The following EIF2AK4 variants were observed in gnomAD, a reference collection of about 807,000 sequenced individuals.
The protein encoded by EIF2AK4 is eukaryotic translation initiation factor 2 alpha kinase 4, also known as eIF-2-alpha kinase GCN2.
Under a neutral mutation model 211.1 loss-of-function variants are expected in EIF2AK4, and 139 were observed. The ratio of observed to expected loss-of-function variants is 0.66; its 90% CI spans 0.57 to 0.76. The LOEUF (loss-of-function observed/expected upper bound fraction) is 0.76. Ranked by LOEUF, EIF2AK4 falls within the 30% of genes least tolerant of loss-of-function variation. The probability of loss-of-function intolerance (pLI) is 0.00; values close to 1 mark genes in which losing one functional copy is unlikely to be tolerated. For synonymous variants in EIF2AK4, 710 were observed against 751.3 expected, an observed-to-expected ratio of 0.94 and a Z score of 0.90; for missense variants, 1,664 against 2,043.8, an observed-to-expected ratio of 0.81 and a Z score of 3.58.
At chr15:39,970,755 A>AG (rs1253659872) in intron 9 of EIF2AK4, among the ~76,000 whole-genome samples, 3 of 152,208 alleles carry the variant, frequency 2.0e-5, no homozygotes, top group African/African-American at 7.2e-5. Context: ...GGTTGGTCAA[A>AG]GGCTTTATCA....
intron 8 of EIF2AK4, 22 bp downstream of exon 8, chr15:39,965,865 C>T (rs745585423): frequency 6.2e-7 from 1 of 1,612,538 alleles, no homozygotes. Context: ...AGGTGGCTGA[C>T]TGAGCAAAAG....
rs1291600097 is a variant in EIF2AK4, at chr15:39,973,726, G to C, written c.1795G>C (p.Gly599Arg). ...EFEELQLLGK[G>R]AFGAVIKVQN... ...TGAAGAATTACAACTTCTTGGTAAA[G>C]GAGCTTTTGGAGCTGTCATCAAGGT... Residue 599 changes from glycine (G) to arginine (R), a missense_variant, in exon 11 of 39, where the codon GGA becomes CGA. Transcript: ENST00000263791. 1.2e-6 allele frequency: 2 copies of C among 1,614,128 alleles called. No homozygotes were observed. The highest frequency in any genetic ancestry group is 2.2e-5 in the South Asian group (2 of 91,074).
chr15:39,957,263 G>A (rs557113037), intron 6 of EIF2AK4, among the ~76,000 whole-genome samples: 1 of 152,200 alleles, frequency 6.6e-6, no homozygotes, highest in Non-Finnish European at 1.5e-5. Context: ...CCAAGGTTAG[G>A]CTTGTTTTTG....
chr15:39,983,007 C>T (rs1185553578), intron 13 of EIF2AK4, among the ~76,000 whole-genome samples: 8 of 152,152 alleles, frequency 5.3e-5, no homozygotes, highest in East Asian at 1.9e-4. Context: ...AATAAACATA[C>T]GTGTGCATGT....
chr15:39,989,978 T>C (rs1036506944), intron 15 of EIF2AK4, among the ~76,000 whole-genome samples: 24 of 152,178 alleles, frequency 1.6e-4, no homozygotes, highest in African/African-American at 5.8e-4. Context: ...GGAGAGGTTT[T>C]GTAATGCAGC....
intron 13 of EIF2AK4, among the ~76,000 whole-genome samples, chr15:39,985,373 GGGAGGAGTCCCTCTTTTTCTATTGCTT>G (rs1253264379): frequency 6.6e-6 from 1 of 152,116 alleles, no homozygotes; most frequent in Admixed American, 6.5e-5. Context: ...TCATAAAAAA[GGGAGGAGTCCCTCTTTTTCTATTGCTT>G]GGAATAGTTT....
chr15:40,031,842 C>T (rs1363175924), intron 35 of EIF2AK4, among the ~76,000 whole-genome samples: 2 of 152,120 alleles, frequency 1.3e-5, no homozygotes, highest in East Asian at 1.9e-4. Flanking sequence ...TCTCCTGCCT[C>T]AGCCTCCCGA....
At chr15:39,982,175 C>T (rs577344620) in intron 13 of EIF2AK4, among the ~76,000 whole-genome samples, 14 of 152,276 alleles carry the variant, frequency 9.2e-5, no homozygotes, top group Middle Eastern at 3.4e-3. Context: ...CCGCCCGCCT[C>T]GGCCTCCCAA....
intron 18 of EIF2AK4, among the ~76,000 whole-genome samples, chr15:39,994,819 C>A (rs908424298): frequency 5.3e-5 from 8 of 151,946 alleles, no homozygotes; most frequent in African/African-American, 1.9e-4. Flanking sequence ...TGAGTGTGGG[C>A]AGACACCTTT....
intron 31 of EIF2AK4, 147 bp downstream of exon 31, chr15:40,021,174 C>A: frequency 1.1e-6 from 1 of 891,428 alleles, no homozygotes; most frequent in Non-Finnish European, 1.6e-6. Context: ...CTGCAGTAAC[C>A]AATTACCACA....
chr15:40,008,862 G>T (rs73390606), intron 25 of EIF2AK4, among the ~76,000 whole-genome samples: 1 of 152,048 alleles, frequency 6.6e-6, no homozygotes, highest in Admixed American at 6.5e-5. Flanking sequence ...CTACGAGTCC[G>T]CTTTGCCATA....
At chr15:39,957,349 T>C (rs1166345045) in intron 6 of EIF2AK4, among the ~76,000 whole-genome samples, 2 of 152,054 alleles carry the variant, frequency 1.3e-5, no homozygotes, top group Non-Finnish European at 2.9e-5. Context: ...GGCTGAAGGA[T>C]CACTTGAGCC....
In EIF2AK4 at chr15:39,976,819, G is replaced by GA. The variant is rs1358508362; in HGVS notation, c.2224_2225insA (p.Gly742GlufsTer15). On this transcript the variant is annotated frameshift_variant, in exon 12 of 39. Coordinates refer to ENST00000263791, the MANE Select transcript of EIF2AK4 (RefSeq NM_001013703.4). LOFTEE classifies it high-confidence loss of function. ...CGAGGACGACGACGAGGACGAGCAC[G>GA]GTGGCGTCTTCTCCCAGTCCTTCCT... 1 of 1,548,610 alleles carries GA rather than the reference G, an allele frequency of 6.5e-7. No individual in the cohort carries two copies. Among genetic ancestry groups the GA allele is most frequent in the South Asian group, 1.2e-5 (1 of 82,546 alleles).
Position 40,011,349 on chromosome 15 carries a change from A to G in EIF2AK4, c.3759+3A>G, listed in dbSNP as rs2035232928. The G allele has an allele frequency of 6.2e-7, 1 of 1,607,290 alleles. No individual in the cohort carries two copies. Among genetic ancestry groups the G allele is most frequent in the Non-Finnish European group, 8.5e-7 (1 of 1,174,900 alleles). On this transcript the variant is annotated splice_donor_region_variant and intron_variant, in intron 27 of 38. Coordinates refer to ENST00000263791, the MANE Select transcript of EIF2AK4 (RefSeq NM_001013703.4). The stretch of plus-strand genomic sequence containing the variant: ...ATCTGTCTTTGTCTTCTAATAGTGT[A>G]AGTACCTTCTAATGGTATTATTACA...
chr15:40,021,214 T>C (rs2035383231), intron 31 of EIF2AK4, among the ~76,000 whole-genome samples, 187 bp downstream of exon 31: 1 of 152,214 alleles, frequency 6.6e-6, no homozygotes, highest in Admixed American at 6.5e-5. Context: ...ATATTTATTA[T>C]CTTACATTTC....
intron 6 of EIF2AK4, among the ~76,000 whole-genome samples, chr15:39,960,181 AAAG>A (rs1482085036): frequency 6.6e-6 from 1 of 151,824 alleles, no homozygotes; most frequent in Non-Finnish European, 1.5e-5. Context: ...AAAAAAAAAA[AAAG>A]AATATGTGGA....
intron 26 of EIF2AK4, among the ~76,000 whole-genome samples, chr15:40,010,104 A>G (rs2035215702): frequency 6.6e-6 from 1 of 152,242 alleles, no homozygotes; most frequent in Non-Finnish European, 1.5e-5. Context: ...TAATAATTTC[A>G]AAGATAGTTA....
rs762358873 is a variant in EIF2AK4 at position 39,967,677 on chromosome 15, G to T, written c.1351G>T (p.Ala451Ser). ...ITDYSISKRL[A>S]DICKEDVFEQ... ...GGACTATAGCATTTCTAAGCGCCTC[G>T]CAGACATTTGCAAGGAGGATGTGTT... Residue 451 changes from alanine to serine, a missense_variant, in exon 9 of 39, where the codon GCA becomes TCA. This residue lies in a region of EIF2AK4 where 641 missense variants were observed against 729.6 expected (regional missense o/e 0.88). Coordinates refer to ENST00000263791, the MANE Select transcript of EIF2AK4 (RefSeq NM_001013703.4). 2 of 1,614,154 alleles carry T rather than the reference G, an allele frequency of 1.2e-6. No homozygotes were observed. The highest frequency in any genetic ancestry group is 1.6e-4 in the Middle Eastern group (1 of 6,062).
intron 2 of EIF2AK4, 104 bp downstream of exon 2, chr15:39,939,721 C>T: frequency 1.2e-6 from 1 of 851,774 alleles, no homozygotes; most frequent in Non-Finnish European, 1.7e-6. Flanking sequence ...GCTCCCATTC[C>T]ACATAAAATT....
Sources: allele counts gnomAD v4.1 joint callset (sites outside exome capture counted in the v4.1 genomes callset), GRCh38; gene constraint gnomAD v4.1.1; regional missense constraint gnomAD v4.1.1; transcripts MANE v1.5; gene names NCBI Gene and HGNC (gene_info 2026-07-23, HGNC 2026-07-21).